CGGBP1: variants seen among roughly 807,000 people sequenced by gnomAD.
CGGBP1 encodes CGG triplet repeat-binding protein 1.
In CGGBP1, 4 loss-of-function variants were observed where a neutral mutation model predicts 11.4. That is an observed-to-expected ratio of 0.35 (90% CI 0.17 to 0.80). The LOEUF is 0.80. Ranked by LOEUF, CGGBP1 falls within the 30% of genes least tolerant of loss-of-function variation. The pLI is 0.52. For synonymous variants in CGGBP1, 76 were observed against 74.1 expected (o/e 1.03, Z -0.13); for missense variants, 135 against 202.1 (o/e 0.67, Z 2.01).
intron 2 of CGGBP1, among the ~76,000 whole-genome samples, chr3:88,108,374 C>T (rs999916484): frequency 2.6e-5 from 4 of 151,924 alleles, no homozygotes; most frequent in South Asian, 2.1e-4. Context: ...TTAAAGGTAC[C>T]TAGTGACTCA....
chr3:88,112,663 A>G (rs1379023178), intron 2 of CGGBP1, among the ~76,000 whole-genome samples: 1 of 151,794 alleles, frequency 6.6e-6, no homozygotes, highest in Non-Finnish European at 1.5e-5. Context: ...TTTTATGGTG[A>G]TTTTCTAACT....
rs547611820 is a variant in CGGBP1 at position 88,100,827 on chromosome 3, G to A, written c.-229+40143C>T. 2.0e-5 allele frequency among the ~76,000 whole-genome samples: 3 copies of A among 152,210 alleles called. No homozygotes were observed. In the East Asian group the frequency reaches 5.8e-4, roughly 29 times the overall value. ...GCCTGTCATGGGGTGGGGAAAGCGG[G>A]GAGGGATAGCATCAGGAGATATACC... is the stretch of plus-strand genomic sequence containing the variant. On this transcript the variant is annotated intron_variant, in intron 2 of 3. Coordinates refer to the CGGBP1 transcript ENST00000462901.
chr3:88,120,244 C>T (rs114619782), intron 2 of CGGBP1, among the ~76,000 whole-genome samples: 8,677 of 152,242 alleles, frequency 0.057, 275 homozygotes, highest in Admixed American at 0.078. Context: ...AAGTCTTACT[C>T]TTAACCCAGC....
At chr3:88,113,573 G>A (rs560477915) in intron 2 of CGGBP1, among the ~76,000 whole-genome samples, 4 of 152,162 alleles carry the variant, frequency 2.6e-5, no homozygotes, top group African/African-American at 9.6e-5. Context: ...ATAGCTTTCC[G>A]AAGCTAGGAG....
intron 2 of CGGBP1, among the ~76,000 whole-genome samples, chr3:88,100,918 CCTG>C (rs1704382900): frequency 6.6e-6 from 1 of 152,120 alleles, no homozygotes; most frequent in African/African-American, 2.4e-5. Context: ...ATGTAACAAA[CCTG>C]CACGTTGTGC....
intron 2 of CGGBP1, among the ~76,000 whole-genome samples, chr3:88,069,136 C>G (rs1331383148): frequency 1.8e-5 from 1 of 56,634 alleles, no homozygotes; most frequent in Non-Finnish European, 5.4e-5. Flanking sequence ...AGAAGTGATT[C>G]TCAGGCCAGG....
chr3:88,074,639 C>T (rs1707702286), intron 2 of CGGBP1, among the ~76,000 whole-genome samples: 1 of 152,138 alleles, frequency 6.6e-6, no homozygotes, highest in Non-Finnish European at 1.5e-5. Flanking sequence ...CTGCGCCCGG[C>T]CTGTGTCTTA....
intron 2 of CGGBP1, among the ~76,000 whole-genome samples, chr3:88,103,386 C>T (rs1347484720): frequency 6.6e-6 from 1 of 152,116 alleles, no homozygotes; most frequent in Non-Finnish European, 1.5e-5. Flanking sequence ...AGACTTAATG[C>T]AGCTAAAGAA....
intron 2 of CGGBP1, among the ~76,000 whole-genome samples, chr3:88,069,211 C>T (rs1179888359): frequency 4.6e-5 from 7 of 152,138 alleles, no homozygotes; most frequent in Non-Finnish European, 8.8e-5. Context: ...TACCTGAGTC[C>T]AGGAGCTCAA....
chr3:88,133,427 T>C (rs759311136), intron 2 of CGGBP1, among the ~76,000 whole-genome samples: 2 of 152,156 alleles, frequency 1.3e-5, no homozygotes, highest in African/African-American at 2.4e-5. Context: ...CGATAAAATA[T>C]AACAAGGAAG....
chr3:88,074,948 T>G (rs9310067), intron 2 of CGGBP1, among the ~76,000 whole-genome samples: 119,073 of 152,006 alleles, frequency 0.78, 47,562 homozygotes, highest in South Asian at 0.91. Flanking sequence ...TCATCAAGTG[T>G]TTAATTGTGC....
At chr3:88,104,613 G>A (rs1264620372) in intron 2 of CGGBP1, among the ~76,000 whole-genome samples, 5 of 152,156 alleles carry the variant, frequency 3.3e-5, no homozygotes, top group Non-Finnish European at 5.9e-5. Flanking sequence ...TATACCTAAA[G>A]CACCATAATA....
intron 2 of CGGBP1, chr3:88,086,339 C>A (rs890672936): frequency 2.0e-6 from 3 of 1,535,298 alleles, no homozygotes; most frequent in African/African-American, 2.7e-5. Context: ...TGTTTTACAA[C>A]AGCCAGTGCA....
Position 88,053,294 on chromosome 3 carries a change from A to G in CGGBP1, c.*2179T>C, listed in dbSNP as rs1481563766. 6.6e-6 allele frequency: 1 copy of G among 152,168 alleles called. No individual in the cohort carries two copies. The allele number at this position is 152,168 out of a possible 1,614,324, so 9.4% of individuals were successfully genotyped here. On this transcript the variant is annotated 3_prime_UTR_variant, in exon 4 of 4. Coordinates refer to ENST00000482016, the MANE Select transcript of CGGBP1 (RefSeq NM_001008390.2). Reference sequence around the variant, plus strand: ...TTCAGGGAACAAAAGTTCCATAATCAATGAAGAAACATTAATACCAAATCC... The same window carrying G: ...TTCAGGGAACAAAAGTTCCATAATCGATGAAGAAACATTAATACCAAATCC...
chr3:88,140,276 T>C, intron 2 of CGGBP1: 1 of 1,613,766 alleles, frequency 6.2e-7, no homozygotes, highest in Non-Finnish European at 8.5e-7. Flanking sequence ...CTCAACACTA[T>C]TTAAGTAAAA....
At chr3:88,067,503 A>G (rs1052727120) in intron 2 of CGGBP1, among the ~76,000 whole-genome samples, 1 of 152,254 alleles carries the variant, frequency 6.6e-6, no homozygotes. Context: ...CCTTAAAACT[A>G]AAGCTTGAGG....
intron 2 of CGGBP1, among the ~76,000 whole-genome samples, chr3:88,066,191 A>G (rs1452113029): frequency 6.6e-6 from 1 of 152,240 alleles, no homozygotes; most frequent in Non-Finnish European, 1.5e-5. Flanking sequence ...ATGAGGTTCT[A>G]AACTTCAGTG....
At chr3:88,065,228 C>G (rs1707127583) in intron 2 of CGGBP1, among the ~76,000 whole-genome samples, 1 of 152,026 alleles carries the variant, frequency 6.6e-6, no homozygotes, top group South Asian at 2.1e-4. Context: ...AAAAACAAAA[C>G]AAATGAACCT....
At chr3:88,113,289 T>A (rs1364850188) in intron 2 of CGGBP1, 6 of 716,666 alleles carry the variant, frequency 8.4e-6, no homozygotes, top group Non-Finnish European at 1.3e-5. Flanking sequence ...TTATTGCTTA[T>A]AAGTTTTTAA....
Sources: allele counts gnomAD v4.1 joint callset (sites outside exome capture counted in the v4.1 genomes callset), GRCh38; gene constraint gnomAD v4.1.1; transcripts MANE v1.5; gene names NCBI Gene and HGNC (gene_info 2026-07-23, HGNC 2026-07-21).